The following SMIM36 variants were observed in gnomAD, a reference collection of about 807,000 sequenced individuals.
The protein encoded by SMIM36 is small integral membrane protein 36.
chr17:55,475,872 A>C lies in SMIM36; in HGVS notation c.*347+2890T>G, dbSNP rs183007082. Among the ~76,000 whole-genome samples, 9 of 152,170 alleles carry C rather than the reference A, an allele frequency of 5.9e-5. No individual in the cohort carries two copies. In the East Asian group the frequency reaches 1.7e-3, roughly 29 times the overall value. ...ATATGACAAATGCTCCTTCTCTAAC[A>C]ACCCCACAATATCACCCCTTACCCC... On this transcript the variant is annotated intron_variant, in intron 3 of 4. Transcript: ENST00000636752.
At chr17:55,527,552 C>G in the SMIM36 span, among the ~76,000 whole-genome samples, 1 of 152,154 alleles carries the variant, frequency 6.6e-6, no homozygotes, top group Non-Finnish European at 1.5e-5. Context: ...AGTGACCTGT[C>G]AGGGAAACTG....
the SMIM36 span, among the ~76,000 whole-genome samples, chr17:55,528,873 C>T: frequency 3.3e-5 from 5 of 152,236 alleles, no homozygotes; most frequent in East Asian, 5.8e-4. Flanking sequence ...AAACCTATAA[C>T]GTAATTGTTT....
chr17:55,521,204 C>T, the SMIM36 span, among the ~76,000 whole-genome samples: 1 of 152,156 alleles, frequency 6.6e-6, no homozygotes, highest in Non-Finnish European at 1.5e-5. Flanking sequence ...ATGAGTAGAG[C>T]TAGGCTAACT....
intron 1 of SMIM36, among the ~76,000 whole-genome samples, chr17:55,499,265 A>C (rs1909867311): frequency 6.6e-6 from 1 of 152,164 alleles, no homozygotes; most frequent in African/African-American, 2.4e-5. Context: ...GCAACTTCCT[A>C]GGCATGCAAT....
the SMIM36 span, among the ~76,000 whole-genome samples, chr17:55,518,744 C>T: frequency 6.6e-6 from 1 of 151,786 alleles, no homozygotes; most frequent in African/African-American, 2.4e-5. Context: ...AAGCATCATG[C>T]GAGCCCATGG....
chr17:55,483,895 T>A (rs760845989), intron 1 of SMIM36, among the ~76,000 whole-genome samples: 3 of 152,214 alleles, frequency 2.0e-5, no homozygotes, highest in Admixed American at 2.0e-4. Context: ...CCCAAAGTGC[T>A]GGAATTACAG....
chr17:55,483,479 T>C (rs75660680), intron 1 of SMIM36, among the ~76,000 whole-genome samples: 2,544 of 152,282 alleles, frequency 0.017, 65 homozygotes, highest in African/African-American at 0.058. Flanking sequence ...GTAAAGCAGA[T>C]GACCCTCCAT....
At chr17:55,510,669 A>C (rs1192252953) in intron 1 of SMIM36, among the ~76,000 whole-genome samples, 1 of 152,108 alleles carries the variant, frequency 6.6e-6, no homozygotes, top group African/African-American at 2.4e-5. Flanking sequence ...ACTAGACTGG[A>C]GTTAGTCTCA....
chr17:55,520,954 T>C, the SMIM36 span, among the ~76,000 whole-genome samples: 180 of 152,218 alleles, frequency 1.2e-3, 2 homozygotes, highest in Non-Finnish European at 1.5e-4. Context: ...TGAAACCCTG[T>C]CTGTACTAAA....
intron 4 of SMIM36, chr17:55,458,281 ACAG>A (rs1909066586): frequency 1.3e-5 from 2 of 152,198 alleles, no homozygotes; most frequent in South Asian, 4.1e-4. Flanking sequence ...ATCTGCAGCG[ACAG>A]CAGTTTAATT....
At chr17:55,470,415 A>G (rs1329562184) in intron 3 of SMIM36, among the ~76,000 whole-genome samples, 1 of 152,010 alleles carries the variant, frequency 6.6e-6, no homozygotes, top group Non-Finnish European at 1.5e-5. Context: ...CTTAATCGAT[A>G]CAGAGGCTGC....
chr17:55,508,348 A>T (rs1263831085), intron 1 of SMIM36, among the ~76,000 whole-genome samples: 1 of 150,814 alleles, frequency 6.6e-6, no homozygotes, highest in Non-Finnish European at 1.5e-5. Context: ...ACAAACAAAA[A>T]AAGAAATACA....
chr17:55,488,504 A>G (rs1909646471), intron 1 of SMIM36, among the ~76,000 whole-genome samples: 1 of 152,186 alleles, frequency 6.6e-6, no homozygotes, highest in Non-Finnish European at 1.5e-5. Flanking sequence ...TATGTACATT[A>G]TACTTTTTGT....
intron 1 of SMIM36, among the ~76,000 whole-genome samples, chr17:55,483,635 C>G (rs1253489165): frequency 6.6e-6 from 1 of 151,468 alleles, no homozygotes; most frequent in Non-Finnish European, 1.5e-5. Context: ...GAAATGCCAG[C>G]CCCCAAAACT....
At chr17:55,464,224 A>C (rs1909196224) in intron 4 of SMIM36, among the ~76,000 whole-genome samples, 1 of 152,210 alleles carries the variant, frequency 6.6e-6, no homozygotes, top group Non-Finnish European at 1.5e-5. Flanking sequence ...GAAGGATCTT[A>C]ATTAATTAAT....
intron 3 of SMIM36, among the ~76,000 whole-genome samples, chr17:55,474,858 A>G (rs981956273): frequency 6.6e-6 from 1 of 152,190 alleles, no homozygotes; most frequent in African/African-American, 2.4e-5. Flanking sequence ...AAGGGAGACT[A>G]TGGAGTTACT....
chr17:55,490,187 C>T (rs532090384), intron 1 of SMIM36, among the ~76,000 whole-genome samples: 2 of 152,158 alleles, frequency 1.3e-5, no homozygotes, highest in African/African-American at 4.8e-5. Flanking sequence ...GTCATAACAC[C>T]TTTGAAGTTT....
chr17:55,520,274 A>G, the SMIM36 span, among the ~76,000 whole-genome samples: 1 of 152,138 alleles, frequency 6.6e-6, no homozygotes, highest in African/African-American at 2.4e-5. Context: ...GAATCTCTTC[A>G]TCTCAAGTAT....
intron 1 of SMIM36, among the ~76,000 whole-genome samples, chr17:55,481,932 A>G (rs1909527911): frequency 6.6e-6 from 1 of 152,164 alleles, no homozygotes; most frequent in Admixed American, 6.5e-5. Flanking sequence ...TGTAGACTCA[A>G]GCGATTCTCC....
Sources: allele counts gnomAD v4.1 joint callset (sites outside exome capture counted in the v4.1 genomes callset), GRCh38; gene constraint gnomAD v4.1.1; transcripts MANE v1.5; gene names NCBI Gene and HGNC (gene_info 2026-07-23, HGNC 2026-07-21).